The following GATAD2B variants were observed in gnomAD, a reference collection of about 807,000 sequenced individuals.
GATAD2B encodes the protein GATA zinc finger domain containing 2B, also known as transcriptional repressor p66-beta.
GATAD2B carries 8 observed loss-of-function variants against 64.3 expected under a neutral mutation model. The ratio of observed to expected loss-of-function variants is 0.12; its 90% CI spans 0.07 to 0.22. The LOEUF (loss-of-function observed/expected upper bound fraction) is 0.22. Among genes scored for constraint, GATAD2B ranks in the 10% least tolerant of loss-of-function variants. The probability of loss-of-function intolerance (pLI) is 1.00; values close to 1 mark genes in which losing one functional copy is unlikely to be tolerated. For synonymous variants in GATAD2B, 281 were observed against 271.3 expected (o/e 1.04, Z -0.35); for missense variants, 453 against 752.0 (o/e 0.60, Z 4.65).
intron 1 of GATAD2B, among the ~76,000 whole-genome samples, chr1:153,883,981 G>A (rs894821862): frequency 6.6e-6 from 1 of 152,204 alleles, no homozygotes; most frequent in Admixed American, 6.6e-5. Flanking sequence ...TTAATTGTGT[G>A]AGGTGAAAAC....
chr1:153,814,221 G>A (rs570814500), intron 7 of GATAD2B, among the ~76,000 whole-genome samples: 1 of 152,256 alleles, frequency 6.6e-6, no homozygotes, highest in South Asian at 2.1e-4. Context: ...TCTATTTATA[G>A]CTAATACTGA....
At chr1:153,853,203 T>C in intron 1 of GATAD2B, 1 of 1,181,594 alleles carries the variant, frequency 8.5e-7, no homozygotes, top group Middle Eastern at 1.9e-4. Context: ...CTCTAGCTTC[T>C]GGATGATGGG....
At chr1:153,862,756 C>T (rs1200209791) in intron 1 of GATAD2B, among the ~76,000 whole-genome samples, 8 of 140,738 alleles carry the variant, frequency 5.7e-5, no homozygotes, top group African/African-American at 2.1e-4. Flanking sequence ...TGGAGTTTTG[C>T]TCTTGTTGCC....
intron 2 of GATAD2B, among the ~76,000 whole-genome samples, chr1:153,823,114 C>G (rs1674739873): frequency 6.6e-6 from 1 of 152,186 alleles, no homozygotes; most frequent in Non-Finnish European, 1.5e-5. Flanking sequence ...AACTAATGAA[C>G]TAGGATTCTG....
intron 1 of GATAD2B, among the ~76,000 whole-genome samples, chr1:153,884,490 T>C (rs1006931993): frequency 2.0e-5 from 3 of 151,670 alleles, no homozygotes; most frequent in African/African-American, 7.3e-5. Context: ...TAATCCCAGC[T>C]ACTGGGGAGG....
chr1:153,820,058 A>G (rs1260257565), intron 2 of GATAD2B, among the ~76,000 whole-genome samples: 1 of 150,944 alleles, frequency 6.6e-6, no homozygotes, highest in Non-Finnish European at 1.5e-5. Flanking sequence ...AGATTGCACC[A>G]CTGCACTCCA....
At position 153,854,734 on chromosome 1, in the gene GATAD2B, A is replaced by G. The variant is rs902116292; in HGVS notation, c.-1-26386T>C. Among the ~76,000 whole-genome samples the G allele has an allele frequency of 4.6e-5, 7 of 152,362 alleles. No individual in the cohort carries two copies. The South Asian group carries it at 6.2e-4, about 14-fold the overall frequency. ...GTCTGGAAATTTAACATTTATTTTC[A>G]TAAGAACTAGTTCAGTTCATATAAA... is the stretch of plus-strand genomic sequence containing the variant. On this transcript the variant is annotated intron_variant, in intron 1 of 10. Coordinates refer to ENST00000368655, the MANE Select transcript of GATAD2B (RefSeq NM_020699.4).
intron 1 of GATAD2B, among the ~76,000 whole-genome samples, chr1:153,861,440 A>C (rs1266788270): frequency 2.0e-5 from 3 of 151,684 alleles, no homozygotes; most frequent in African/African-American, 7.3e-5. Flanking sequence ...ATACATAAAA[A>C]AAGAGGAAAA....
At chr1:153,811,113 C>T (rs917301977) in intron 10 of GATAD2B, among the ~76,000 whole-genome samples, 3 of 152,074 alleles carry the variant, frequency 2.0e-5, no homozygotes, top group Non-Finnish European at 4.4e-5. Flanking sequence ...GTTGGTCAGC[C>T]TGGTCTTGAA....
chr1:153,842,110 A>C (rs1675517394), intron 1 of GATAD2B, among the ~76,000 whole-genome samples: 1 of 152,138 alleles, frequency 6.6e-6, no homozygotes, highest in South Asian at 2.1e-4. Flanking sequence ...AGGAGAAGCG[A>C]CTTGAAGTGT....
At chr1:153,883,791 G>C (rs1053440593) in intron 1 of GATAD2B, among the ~76,000 whole-genome samples, 3 of 151,784 alleles carry the variant, frequency 2.0e-5, no homozygotes, top group African/African-American at 7.3e-5. Context: ...ATTGCCATGA[G>C]TTAAATCTTC....
At chr1:153,900,439 T>C (rs1322908259) in intron 1 of GATAD2B, among the ~76,000 whole-genome samples, 3 of 152,018 alleles carry the variant, frequency 2.0e-5, no homozygotes, top group Non-Finnish European at 4.4e-5. Flanking sequence ...AAGAAAAGAA[T>C]AGCTTGAGTA....
chr1:153,914,951 C>T (rs1678218200), intron 1 of GATAD2B, among the ~76,000 whole-genome samples: 1 of 151,966 alleles, frequency 6.6e-6, no homozygotes, highest in Non-Finnish European at 1.5e-5. Flanking sequence ...AGGCCAGGAG[C>T]AGTGGCTCAC....
At chr1:153,890,200 A>G (rs1232395512) in intron 1 of GATAD2B, among the ~76,000 whole-genome samples, 1 of 150,908 alleles carries the variant, frequency 6.6e-6, no homozygotes, top group African/African-American at 2.4e-5. Context: ...AAAAAAAGAA[A>G]GATAAGAGGC....
At chr1:153,856,627 C>T (rs897038861) in intron 1 of GATAD2B, among the ~76,000 whole-genome samples, 1 of 151,884 alleles carries the variant, frequency 6.6e-6, no homozygotes, top group Non-Finnish European at 1.5e-5. Context: ...CTAAAAATGT[C>T]TACTGAGCAC....
At chr1:153,822,335 C>T (rs975197004) in intron 2 of GATAD2B, among the ~76,000 whole-genome samples, 1 of 152,106 alleles carries the variant, frequency 6.6e-6, no homozygotes, top group African/African-American at 2.4e-5. Context: ...AAATGAGTGC[C>T]ACTTAACTGC....
At position 153,828,257 on chromosome 1, in the gene GATAD2B, G is replaced by T; in HGVS notation, c.91C>A (p.Arg31=). The change falls in exon 2 of 11, where the codon CGA becomes AGA. Residue 31 remains arginine (R), a synonymous_variant. Coordinates refer to ENST00000368655, the MANE Select transcript of GATAD2B (RefSeq NM_020699.4). The part of the protein sequence containing the change: ...ADERDDVLAK[R]LKMEGHEAME... The stretch of plus-strand genomic sequence containing the variant: ...GCCTCATGCCCCTCCATTTTGAGTC[G>T]CTTTGCCAGGACATCATCTCGCTCA... 1 of 1,613,998 alleles carries T rather than the reference G, an allele frequency of 6.2e-7. No homozygotes were observed. The highest frequency in any genetic ancestry group is 8.5e-7 in the Non-Finnish European group (1 of 1,179,996).
At chr1:153,878,977 C>T (rs1023956904) in intron 1 of GATAD2B, among the ~76,000 whole-genome samples, 16 of 151,594 alleles carry the variant, frequency 1.1e-4, no homozygotes, top group African/African-American at 3.4e-4. Flanking sequence ...CTTGCTCTGT[C>T]GCCCAGGCTG....
At chr1:153,880,618 T>C (rs568768565) in intron 1 of GATAD2B, among the ~76,000 whole-genome samples, 14 of 151,924 alleles carry the variant, frequency 9.2e-5, no homozygotes, top group African/African-American at 3.1e-4. Flanking sequence ...ACATACACCT[T>C]TGAATGGGAA....
Sources: gnomAD v4.1 joint callset for allele counts (sites outside exome capture counted in the v4.1 genomes callset) on GRCh38, gnomAD v4.1.1 for gene constraint, MANE v1.5 for transcripts, NCBI Gene and HGNC (gene_info 2026-07-23, HGNC 2026-07-21) for gene names.